TMEM67: variants seen among roughly 807,000 people sequenced by gnomAD.
TMEM67 encodes the protein meckelin.
A neutral mutation model predicts 136.6 loss-of-function variants in TMEM67; 124 were observed. The ratio of observed to expected loss-of-function variants is 0.91; its 90% CI spans 0.78 to 1.05. TMEM67 has a LOEUF of 1.05. TMEM67 is among the 50% of genes least tolerant of loss of function. TMEM67 has a pLI of 0.00. For synonymous variants in TMEM67, 364 were observed against 390.5 expected (o/e 0.93, Z 0.80); for missense variants, 1,107 against 1,178.4 (o/e 0.94, Z 0.89).
In TMEM67 at chr8:93,809,805, C is replaced by G; in HGVS notation, c.2682C>G (p.Tyr894Ter). 1 of 1,591,796 alleles carries G rather than the reference C, an allele frequency of 6.3e-7. No individual in the cohort carries two copies. The highest frequency in any genetic ancestry group is 8.6e-7 in the Non-Finnish European group (1 of 1,160,580). ...ATTAGGTTCATAAGGAAATGGATTACTTTATAAAAGATAAGTTGCTTCTTG... is the reference window on the plus strand; with the variant it reads ...ATTAGGTTCATAAGGAAATGGATTAGTTTATAAAAGATAAGTTGCTTCTTG... ...FIDHVHKEMDYFIKDKLLLER... is the reference protein window; with the variant it reads ...FIDHVHKEMD The change falls in exon 26 of 28, where the codon TAC becomes TAG. Residue 894 changes from tyrosine to a stop codon, truncating the protein, a stop_gained. Coordinates refer to ENST00000453321, the MANE Select transcript of TMEM67 (RefSeq NM_153704.6). LOFTEE classifies it high-confidence loss of function.
chr8:93,816,754 C>A lies in TMEM67; in HGVS notation c.*302C>A, dbSNP rs538922003. The stretch of plus-strand genomic sequence containing the variant: ...ACTTTTTAATGCTAATTAAAACAGT[C>A]CCCATCATTTGTCTCTGTAGATTAT... On this transcript the variant is annotated 3_prime_UTR_variant, in exon 28 of 28. Transcript: ENST00000453321. 1.1e-5 allele frequency: 2 copies of A among 181,362 alleles called. No individual in the cohort carries two copies. Among genetic ancestry groups the A allele is most frequent in the Non-Finnish European group, 2.3e-5 (2 of 87,104 alleles). The allele number at this position is 181,362 out of a possible 1,614,324, so 11.2% of individuals were successfully genotyped here. A position where few individuals can be genotyped will look rare whatever the true frequency, so the allele number is the denominator to read the frequency against.
chr8:93,765,699 A>G (rs1408214463), intron 6 of TMEM67, 53 bp downstream of exon 6: 6 of 1,163,236 alleles, frequency 5.2e-6, no homozygotes, highest in Non-Finnish European at 7.8e-6. Flanking sequence ...TCTACATTTC[A>G]TCCATTAGTA....
At chr8:93,804,265 A>G (rs1196764585) in intron 22 of TMEM67, among the ~76,000 whole-genome samples, 2 of 136,932 alleles carry the variant, frequency 1.5e-5, no homozygotes, top group African/African-American at 2.7e-5. Context: ...AATTGTTTCT[A>G]TGTCAACCCT....
intron 14 of TMEM67, among the ~76,000 whole-genome samples, chr8:93,789,739 A>G (rs1814289443): frequency 6.6e-6 from 1 of 151,354 alleles, no homozygotes; most frequent in African/African-American, 2.4e-5. Flanking sequence ...AAATAATTCT[A>G]AACTAAGCCT....
intron 23 of TMEM67, among the ~76,000 whole-genome samples, chr8:93,805,731 A>G (rs551247272): frequency 1.3e-5 from 2 of 152,346 alleles, no homozygotes; most frequent in East Asian, 1.9e-4. Context: ...TCCTCCTTAT[A>G]GAAGAAAGTA....
intron 2 of TMEM67, among the ~76,000 whole-genome samples, 181 bp from the exon 3 acceptor site, chr8:93,758,302 A>G (rs1174597465): frequency 2.6e-5 from 4 of 152,236 alleles, no homozygotes; most frequent in Admixed American, 2.6e-4. Flanking sequence ...GATAATATAG[A>G]GCTTCATTTT....
intron 11 of TMEM67, among the ~76,000 whole-genome samples, chr8:93,784,589 G>A (rs931081652): frequency 6.6e-6 from 1 of 152,202 alleles, no homozygotes; most frequent in Non-Finnish European, 1.5e-5. Flanking sequence ...GATTCCTGGG[G>A]AAGTATAGAA....
At chr8:93,762,937 T>G (rs1156921194) in intron 3 of TMEM67, 3 of 444,312 alleles carry the variant, frequency 6.8e-6, no homozygotes, top group African/African-American at 6.0e-5. Context: ...TGTTTGTTTG[T>G]TTTTTGAAAC....
chr8:93,787,958 C>G lies in TMEM67; in HGVS notation c.1518+9C>G. 1 of 1,597,106 alleles carries G rather than the reference C, an allele frequency of 6.3e-7. No homozygotes were observed. The highest frequency in any genetic ancestry group is 8.6e-7 in the Non-Finnish European group (1 of 1,164,626). ...ACAGCCAGTCTGTGAAGGTGAGTTCCTGACTTATTAGTGCCCTTGTATGTA... is the reference window on the plus strand; with the variant it reads ...ACAGCCAGTCTGTGAAGGTGAGTTCGTGACTTATTAGTGCCCTTGTATGTA... On this transcript the variant is annotated intron_variant, in intron 14 of 27. Transcript: ENST00000453321.
At chr8:93,822,993 G>A (rs1220300039), downstream of TMEM67, among the ~76,000 whole-genome samples, 1 of 152,146 alleles carries the variant, frequency 6.6e-6, no homozygotes, top group East Asian at 1.9e-4. Flanking sequence ...AGGATATGGA[G>A]GTAGATAAGA....
intron 16 of TMEM67, chr8:93,795,104 A>G (rs551661253): frequency 2.3e-6 from 1 of 430,206 alleles, no homozygotes; most frequent in Non-Finnish European, 4.2e-6. Context: ...GGTAGTGTGG[A>G]GGAGAGATTA....
In TMEM67 at chr8:93,758,482, G is replaced by A; in HGVS notation, c.313-1G>A. ...AAAGCATTTTTTTTCTTTTAATTTA[G>A]AAAGGTGTTACAGAAGATGGCTGGA... is the stretch of plus-strand genomic sequence containing the variant. On this transcript the variant is annotated splice_acceptor_variant, in intron 2 of 27. Transcript: ENST00000453321. LOFTEE classifies it high-confidence loss of function. The A allele has an allele frequency of 6.2e-7, 1 of 1,609,088 alleles. No individual in the cohort carries two copies. Among genetic ancestry groups the A allele is most frequent in the Non-Finnish European group, 8.5e-7 (1 of 1,176,624 alleles).
At chr8:93,824,884 T>G in the TMEM67 span, among the ~76,000 whole-genome samples, 1 of 152,002 alleles carries the variant, frequency 6.6e-6, no homozygotes, top group African/African-American at 2.4e-5. Context: ...GCAGCTAATT[T>G]TTTGTATTTT....
In TMEM67 at chr8:93,797,388, T is replaced by C; in HGVS notation, c.2018T>C (p.Val673Ala). 1 of 1,614,074 alleles carries C rather than the reference T, an allele frequency of 6.2e-7. No individual in the cohort carries two copies. The highest frequency in any genetic ancestry group is 1.1e-5 in the South Asian group (1 of 91,086). ...VPVSIWRTYF[V>A]ANEWNEIQTV... ...GTAAGCATATGGAGAACATATTTTG[T>C]AGCAAATGAATGGAATGAAATTCAG... Residue 673 changes from valine (V) to alanine (A), a missense_variant, in exon 20 of 28, where the codon GTA becomes GCA. Physicochemically the swap from Val to Ala is moderately conservative, Grantham distance 64. Coordinates refer to ENST00000453321, the MANE Select transcript of TMEM67 (RefSeq NM_153704.6).
intron 26 of TMEM67, among the ~76,000 whole-genome samples, chr8:93,812,026 G>A (rs1214343260): frequency 3.3e-5 from 5 of 151,844 alleles, no homozygotes; most frequent in Non-Finnish European, 1.5e-5. Flanking sequence ...GTGCATGCCT[G>A]TAATCCCAGC....
At chr8:93,794,386 T>C (rs1265636833) in intron 16 of TMEM67, among the ~76,000 whole-genome samples, 1 of 152,226 alleles carries the variant, frequency 6.6e-6, no homozygotes, top group Non-Finnish European at 1.5e-5. Context: ...ATATTTACCA[T>C]GTACCAGGCA....
Position 93,816,618 on chromosome 8 carries a change from A to T in TMEM67, c.*166A>T, listed in dbSNP as rs1808920237. ...TTATAACTTGGGAATATATAACCTGATATAATAGAAAATACTGTTTTCCCA... is the reference window on the plus strand; with the variant it reads ...TTATAACTTGGGAATATATAACCTGTTATAATAGAAAATACTGTTTTCCCA... On this transcript the variant is annotated 3_prime_UTR_variant, in exon 28 of 28. Coordinates refer to ENST00000453321, the MANE Select transcript of TMEM67 (RefSeq NM_153704.6). 1 of 484,608 alleles carries T rather than the reference A, an allele frequency of 2.1e-6. No individual in the cohort carries two copies. Among genetic ancestry groups the T allele is most frequent in the Non-Finnish European group, 3.8e-6 (1 of 266,108 alleles). 30.0% of individuals were successfully genotyped at this position (484,608 alleles called of 1,614,324 possible).
At chr8:93,782,636 C>T (rs1237252996) in intron 11 of TMEM67, among the ~76,000 whole-genome samples, 176 bp downstream of exon 11, 2 of 141,218 alleles carry the variant, frequency 1.4e-5, no homozygotes, top group Admixed American at 7.5e-5. Context: ...TGCAGTGGTG[C>T]AATCTCAGTT....
intron 14 of TMEM67, among the ~76,000 whole-genome samples, chr8:93,789,827 A>G (rs548696796): frequency 5.3e-4 from 81 of 152,022 alleles, no homozygotes; most frequent in Middle Eastern, 6.8e-3. Flanking sequence ...TCCCAGCACT[A>G]TGGGAGGCTG....
Sources: gnomAD v4.1 joint callset for allele counts (sites outside exome capture counted in the v4.1 genomes callset) on GRCh38, gnomAD v4.1.1 for gene constraint, MANE v1.5 for transcripts, NCBI Gene and HGNC (gene_info 2026-07-23, HGNC 2026-07-21) for gene names.